The following SMIM14 variants were observed in gnomAD, a reference collection of about 807,000 sequenced individuals.
SMIM14 encodes chromosome 4 open reading frame 34.
In SMIM14, 5 loss-of-function variants were observed where a neutral mutation model predicts 12.6. The observed-to-expected ratio is 0.40, with a 90% CI of 0.21 to 0.83. SMIM14 has a LOEUF of 0.83. Ranked by LOEUF, SMIM14 falls within the 40% of genes least tolerant of loss-of-function variation. The probability of loss-of-function intolerance (pLI) is 0.37; values close to 1 mark genes in which losing one functional copy is unlikely to be tolerated. For missense variants in SMIM14, 86 were observed against 119.1 expected (o/e 0.72, Z 1.29); for synonymous variants, 30 against 40.1 (o/e 0.75, Z 0.95).
intron 3 of SMIM14, among the ~76,000 whole-genome samples, chr4:39,560,727 C>A (rs1057209369): frequency 6.6e-6 from 1 of 152,032 alleles, no homozygotes; most frequent in Non-Finnish European, 1.5e-5. Context: ...AAATCATGAG[C>A]ATCTCCCCCG....
At chr4:39,590,559 C>T (rs62307811) in intron 2 of SMIM14, among the ~76,000 whole-genome samples, 40 of 151,418 alleles carry the variant, frequency 2.6e-4, no homozygotes, top group East Asian at 1.2e-3. Flanking sequence ...CTCAGCACTT[C>T]GGGAGGCCAA....
At chr4:39,632,623 A>G (rs2109259023) in intron 1 of SMIM14, among the ~76,000 whole-genome samples, 1 of 151,220 alleles carries the variant, frequency 6.6e-6, no homozygotes, top group East Asian at 2.0e-4. Context: ...GCAAAACCCC[A>G]ACTCTACAAA....
At chr4:39,559,788 G>A (rs1025906274) in intron 3 of SMIM14, among the ~76,000 whole-genome samples, 12 of 152,092 alleles carry the variant, frequency 7.9e-5, no homozygotes, top group African/African-American at 2.9e-4. Context: ...GGATAGGAAT[G>A]TAGCCTCTGT....
At chr4:39,597,065 G>A (rs534710774) in intron 2 of SMIM14, among the ~76,000 whole-genome samples, 1 of 150,610 alleles carries the variant, frequency 6.6e-6, no homozygotes, top group South Asian at 2.1e-4. Context: ...GATGAGCCAC[G>A]GTGCCCGGCC....
chr4:39,577,368 C>T (rs934427128), intron 2 of SMIM14, among the ~76,000 whole-genome samples: 7 of 151,748 alleles, frequency 4.6e-5, no homozygotes, highest in South Asian at 2.1e-4. Flanking sequence ...TCAAATTATG[C>T]CTTTCAGTAG....
intron 2 of SMIM14, among the ~76,000 whole-genome samples, chr4:39,582,966 T>C (rs1245655315): frequency 2.6e-5 from 4 of 152,016 alleles, no homozygotes; most frequent in African/African-American, 9.7e-5. Context: ...CTAATTTTTA[T>C]ATTTTTAGTA....
intron 3 of SMIM14, among the ~76,000 whole-genome samples, chr4:39,564,467 T>C (rs1349323026): frequency 2.0e-5 from 3 of 152,294 alleles, no homozygotes; most frequent in Admixed American, 6.5e-5. Flanking sequence ...TTTCACATTT[T>C]CAGGTTAGGG....
intron 3 of SMIM14, among the ~76,000 whole-genome samples, chr4:39,561,642 G>A (rs1005477707): frequency 1.3e-5 from 2 of 151,630 alleles, no homozygotes; most frequent in South Asian, 2.1e-4. Flanking sequence ...ATCTCACGCC[G>A]GGCACGGTGG....
At position 39,581,518 on chromosome 4, in the gene SMIM14, C is replaced by CTTTTTTTTTTTTTTTTTTTTT. The variant is rs1432369898; in HGVS notation, c.76-9056_76-9055insAAAAAAAAAAAAAAAAAAAAA. On this transcript the variant is annotated intron_variant, in intron 2 of 4. Transcript: ENST00000295958. ...TTTTCGTTTTTTTCCTTTTCTTTTT[C>CTTTTTTTTTTTTTTTTTTTTT]TTTTTTTTTTTTTTTGAGACAGGGT... 3.9e-4 allele frequency among the ~76,000 whole-genome samples: 51 copies of CTTTTTTTTTTTTTTTTTTTTT among 132,074 alleles called. 1 individual carries two copies. Among genetic ancestry groups the CTTTTTTTTTTTTTTTTTTTTT allele is most frequent in the East Asian group, 1.2e-3 (5 of 4,288 alleles). 86.6% of individuals were successfully genotyped at this position (132,074 alleles called of 152,430 possible).
At chr4:39,604,101 C>G (rs57919830) in intron 2 of SMIM14, among the ~76,000 whole-genome samples, 41,665 of 151,732 alleles carry the variant, frequency 0.27, 6,331 homozygotes, top group Non-Finnish European at 0.35. Flanking sequence ...ATAACAGGAA[C>G]TGTCAATAGC....
chr4:39,626,901 T>A (rs1715723213), intron 1 of SMIM14, among the ~76,000 whole-genome samples: 1 of 152,188 alleles, frequency 6.6e-6, no homozygotes. Context: ...TTCTAGAAAT[T>A]CTCATTAAAT....
chr4:39,552,014 T>C lies in SMIM14; in HGVS notation c.*112A>G, dbSNP rs1022549658. On this transcript the variant is annotated 3_prime_UTR_variant, in exon 5 of 5. Transcript: ENST00000295958. ...AGCTCATGAAAACAATACCATCCCA[T>C]ATTGCAGATACAAAAGGAAAAACAG... 9 of 759,928 alleles carry C rather than the reference T, an allele frequency of 1.2e-5. No homozygotes were observed. The highest frequency in any genetic ancestry group is 5.7e-5 in the East Asian group (2 of 35,268). The allele number at this position is 759,928 out of a possible 1,614,324, so 47.1% of individuals were successfully genotyped here. A position where few individuals can be genotyped will look rare whatever the true frequency, so the allele number is the denominator to read the frequency against.
At chr4:39,619,872 ATATAT>A (rs796211135) in intron 1 of SMIM14, among the ~76,000 whole-genome samples, 16 of 82,240 alleles carry the variant, frequency 1.9e-4, no homozygotes, top group South Asian at 8.8e-4. Context: ...ATATATATAT[ATATAT>A]TTTTTTTTTT....
intron 2 of SMIM14, among the ~76,000 whole-genome samples, chr4:39,573,825 G>A (rs12331531): frequency 3.9e-5 from 6 of 152,232 alleles, no homozygotes; most frequent in Admixed American, 3.3e-4. Flanking sequence ...TACAATGGGG[G>A]AGTAGAGAAG....
intron 1 of SMIM14, among the ~76,000 whole-genome samples, chr4:39,620,811 C>A (rs983551195): frequency 1.3e-5 from 2 of 152,178 alleles, no homozygotes; most frequent in Non-Finnish European, 2.9e-5. Context: ...TTGGTCCTGG[C>A]AGGAATAAAC....
chr4:39,548,447 C>T lies in SMIM14; in HGVS notation c.*3679G>A, dbSNP rs1747430235. 6.6e-6 allele frequency: 1 copy of T among 151,992 alleles called. No homozygotes were observed. The highest frequency in any genetic ancestry group is 2.1e-4 in the South Asian group (1 of 4,828). 9.4% of individuals were successfully genotyped at this position (151,992 alleles called of 1,614,324 possible). A position where few individuals can be genotyped will look rare whatever the true frequency, so the allele number is the denominator to read the frequency against. ...GGGCTCAAGCAGTTCTTGCCTCAGC[C>T]TCCCAAATTGCTGGGATTACAGGCA... is the stretch of plus-strand genomic sequence containing the variant. On this transcript the variant is annotated 3_prime_UTR_variant, in exon 5 of 5. Transcript: ENST00000295958.
intron 2 of SMIM14, among the ~76,000 whole-genome samples, chr4:39,585,658 C>A (rs1383709851): frequency 6.6e-6 from 1 of 151,876 alleles, no homozygotes; most frequent in Non-Finnish European, 1.5e-5. Flanking sequence ...TAAAAAGGAG[C>A]CTGACTTTGA....
At chr4:39,637,299 G>A (rs1716131799) in intron 1 of SMIM14, among the ~76,000 whole-genome samples, 1 of 152,046 alleles carries the variant, frequency 6.6e-6, no homozygotes, top group African/African-American at 2.4e-5. Flanking sequence ...AGCATAAAAG[G>A]TAAAAAGCTG....
intron 1 of SMIM14, among the ~76,000 whole-genome samples, chr4:39,634,309 T>C (rs1289196615): frequency 1.3e-5 from 2 of 152,140 alleles, no homozygotes; most frequent in Non-Finnish European, 1.5e-5. Context: ...AAGGACAGGA[T>C]TGGAAAAGGG....
Sources: gnomAD v4.1 joint callset for allele counts (sites outside exome capture counted in the v4.1 genomes callset) on GRCh38, gnomAD v4.1.1 for gene constraint, MANE v1.5 for transcripts, NCBI Gene and HGNC (gene_info 2026-07-23, HGNC 2026-07-21) for gene names.